Variants in ZNF407 observed in about 807,000 individuals in gnomAD.
The protein encoded by ZNF407 is zinc finger protein 407.
In ZNF407, 17 loss-of-function variants were observed where a neutral mutation model predicts 131.2. That is an observed-to-expected ratio of 0.13 (90% CI 0.09 to 0.19). The LOEUF is 0.19. Ranked by LOEUF, ZNF407 falls within the 10% of genes least tolerant of loss-of-function variation. The pLI is 1.00. For missense variants in ZNF407, 2,681 were observed against 2,830.6 expected, an observed-to-expected ratio of 0.95 and a Z score of 1.20; for synonymous variants, 1,156 against 1,062.0, an observed-to-expected ratio of 1.09 and a Z score of -1.72.
chr18:74,978,560 C>T (rs983719996), intron 8 of ZNF407, among the ~76,000 whole-genome samples: 1 of 151,736 alleles, frequency 6.6e-6, no homozygotes, highest in Non-Finnish European at 1.5e-5. Flanking sequence ...ATGAGGAAGA[C>T]GGGTTGCAGA....
chr18:74,786,671 A>G (rs1599152841), intron 4 of ZNF407, among the ~76,000 whole-genome samples: 1 of 151,654 alleles, frequency 6.6e-6, no homozygotes, highest in Non-Finnish European at 1.5e-5. Context: ...CTGCTTTTGC[A>G]TGAGCTGCGA....
chr18:74,751,655 A>G (rs1353415772), intron 3 of ZNF407, among the ~76,000 whole-genome samples: 3 of 152,022 alleles, frequency 2.0e-5, no homozygotes, highest in Admixed American at 1.3e-4. Flanking sequence ...AGTTTGCTCA[A>G]AATGATGGTT....
At chr18:74,714,481 ATAAT>A (rs1278554183) in intron 3 of ZNF407, among the ~76,000 whole-genome samples, 1 of 152,218 alleles carries the variant, frequency 6.6e-6, no homozygotes, top group Non-Finnish European at 1.5e-5. Flanking sequence ...TGTTAGCTTA[ATAAT>A]TTTAGTATAA....
At chr18:74,935,469 C>A (rs1972029427) in intron 8 of ZNF407, among the ~76,000 whole-genome samples, 1 of 152,116 alleles carries the variant, frequency 6.6e-6, no homozygotes, top group African/African-American at 2.4e-5. Flanking sequence ...ACAAAGCAAG[C>A]TTCTTGCTGA....
chr18:74,651,582 GA>G (rs1421593171), intron 3 of ZNF407, among the ~76,000 whole-genome samples: 2 of 152,126 alleles, frequency 1.3e-5, no homozygotes, highest in Non-Finnish European at 2.9e-5. Flanking sequence ...TTGGCAGTCA[GA>G]AGTAATTTAA....
At chr18:75,013,692 G>A (rs1405434976) in intron 8 of ZNF407, among the ~76,000 whole-genome samples, 2 of 152,078 alleles carry the variant, frequency 1.3e-5, no homozygotes, top group Non-Finnish European at 2.9e-5. Context: ...TATACCACCA[G>A]CCTGCTTGTG....
intron 3 of ZNF407, among the ~76,000 whole-genome samples, chr18:74,772,846 T>C (rs1445228556): frequency 6.6e-6 from 1 of 152,108 alleles, no homozygotes; most frequent in Admixed American, 6.6e-5. Context: ...TCAGACATAA[T>C]GGTTTGAACT....
intron 4 of ZNF407, among the ~76,000 whole-genome samples, chr18:74,862,622 A>G (rs1477880692): frequency 6.6e-6 from 1 of 152,206 alleles, no homozygotes; most frequent in Non-Finnish European, 1.5e-5. Context: ...TAGTGGGTCC[A>G]CATAATTTGT....
At chr18:74,792,260 A>T (rs1260206180) in intron 4 of ZNF407, among the ~76,000 whole-genome samples, 1 of 152,020 alleles carries the variant, frequency 6.6e-6, no homozygotes, top group East Asian at 1.9e-4. Flanking sequence ...TTTTCATGCT[A>T]ATCACACAGA....
intron 8 of ZNF407, among the ~76,000 whole-genome samples, chr18:74,977,801 G>T (rs1025781501): frequency 6.6e-6 from 1 of 152,162 alleles, no homozygotes; most frequent in African/African-American, 2.4e-5. Context: ...TAGTTTCATT[G>T]GCATTTGCCG....
chr18:74,926,171 C>T (rs1438276816), intron 8 of ZNF407, among the ~76,000 whole-genome samples: 5 of 152,150 alleles, frequency 3.3e-5, no homozygotes, highest in African/African-American at 1.2e-4. Context: ...ATAGCAGTAC[C>T]CTCAATGTCC....
chr18:74,608,755 G>A lies in ZNF407; in HGVS notation c.-54+10818G>A, dbSNP rs1449133010. 3.9e-5 allele frequency among the ~76,000 whole-genome samples: 6 copies of A among 152,268 alleles called. No homozygotes were observed. The East Asian group carries it at 1.2e-3, about 29-fold the overall frequency. On this transcript the variant is annotated intron_variant, in intron 1 of 8. Coordinates refer to ENST00000299687, the MANE Select transcript of ZNF407 (RefSeq NM_017757.3). The stretch of plus-strand genomic sequence containing the variant: ...TTGGATTTGTCTGATGCTCTTTCTT[G>A]TTAAATTGAGGTTTAGGCATTTTTG...
intron 4 of ZNF407, among the ~76,000 whole-genome samples, chr18:74,791,964 T>C (rs188849279): frequency 2.0e-5 from 3 of 152,310 alleles, no homozygotes; most frequent in African/African-American, 7.2e-5. Context: ...GTCCCAGTAG[T>C]ATTGCACGTC....
intron 8 of ZNF407, among the ~76,000 whole-genome samples, chr18:75,030,335 T>C (rs1484416007): frequency 6.6e-6 from 1 of 152,230 alleles, no homozygotes; most frequent in African/African-American, 2.4e-5. Context: ...TCTAAAGGAT[T>C]GAGATTATAT....
Position 75,064,664 on chromosome 18 carries a change from C to T in ZNF407, c.*196C>T. On this transcript the variant is annotated 3_prime_UTR_variant, in exon 9 of 9. Coordinates refer to ENST00000299687, the MANE Select transcript of ZNF407 (RefSeq NM_017757.3). Reference sequence around the variant, plus strand: ...CCACAGAGGGTACCGTGGGCTGGGCCTCGGGGAGCAGGCTGCCAAGTGCAG... The same window carrying T: ...CCACAGAGGGTACCGTGGGCTGGGCTTCGGGGAGCAGGCTGCCAAGTGCAG... 1 of 511,964 alleles carries T rather than the reference C, an allele frequency of 2.0e-6. No individual in the cohort carries two copies. The highest frequency in any genetic ancestry group is 3.3e-6 in the Non-Finnish European group (1 of 305,542). 31.7% of individuals were successfully genotyped at this position (511,964 alleles called of 1,614,324 possible). A position where few individuals can be genotyped will look rare whatever the true frequency, so the allele number is the denominator to read the frequency against.
At chr18:74,882,615 T>C (rs1326512885) in intron 6 of ZNF407, among the ~76,000 whole-genome samples, 1 of 152,236 alleles carries the variant, frequency 6.6e-6, no homozygotes, top group African/African-American at 2.4e-5. Flanking sequence ...ATATGAGTTA[T>C]CATTGAGTTA....
intron 3 of ZNF407, among the ~76,000 whole-genome samples, chr18:74,733,024 C>T (rs756732018): frequency 9.2e-5 from 14 of 152,038 alleles, no homozygotes; most frequent in Non-Finnish European, 1.9e-4. Flanking sequence ...TGGAGTTACA[C>T]ATAGACATGG....
At chr18:74,804,247 C>A in intron 4 of ZNF407, 1 of 1,218,774 alleles carries the variant, frequency 8.2e-7, no homozygotes, top group Non-Finnish European at 1.0e-6. Context: ...CTGGAAGGAA[C>A]TGTTATTTTA....
intron 4 of ZNF407, among the ~76,000 whole-genome samples, chr18:74,835,564 A>G (rs1295663001): frequency 6.6e-6 from 1 of 152,090 alleles, no homozygotes; most frequent in Admixed American, 6.6e-5. Context: ...TGTTAGAGAT[A>G]AAGAAGTAAA....
Sources: gnomAD v4.1 joint callset for allele counts (sites outside exome capture counted in the v4.1 genomes callset) on GRCh38, gnomAD v4.1.1 for gene constraint, MANE v1.5 for transcripts, NCBI Gene and HGNC (gene_info 2026-07-23, HGNC 2026-07-21) for gene names.